The following EEFSEC variants were observed in gnomAD, a reference collection of about 807,000 sequenced individuals.
The protein encoded by EEFSEC is eukaryotic elongation factor, selenocysteine-tRNA specific.
In EEFSEC, 43 loss-of-function variants were observed where a neutral mutation model predicts 42.1. The ratio of observed to expected loss-of-function variants is 1.02; its 90% confidence interval spans 0.80 to 1.32. EEFSEC has a LOEUF of 1.32. EEFSEC is among the 40% of genes most tolerant of loss of function. The pLI is 0.00. For synonymous variants in EEFSEC, 354 were observed against 339.1 expected, an observed-to-expected ratio of 1.04 and a Z score of -0.48; for missense variants, 745 against 803.6, an observed-to-expected ratio of 0.93 and a Z score of 0.88.
intron 4 of EEFSEC, among the ~76,000 whole-genome samples, chr3:128,306,016 C>T (rs919378489): frequency 6.6e-6 from 1 of 152,106 alleles, no homozygotes; most frequent in Non-Finnish European, 1.5e-5. Flanking sequence ...TTCTTTAACT[C>T]GAGTTATTTA....
intron 4 of EEFSEC, among the ~76,000 whole-genome samples, chr3:128,332,851 G>A (rs1033994871): frequency 6.6e-6 from 1 of 152,204 alleles, no homozygotes; most frequent in African/African-American, 2.4e-5. Context: ...GGGGGAAAAT[G>A]TCTTATCTGT....
At chr3:128,287,167 C>T (rs2066594460) in intron 4 of EEFSEC, among the ~76,000 whole-genome samples, 1 of 152,196 alleles carries the variant, frequency 6.6e-6, no homozygotes, top group African/African-American at 2.4e-5. Flanking sequence ...GAAGAGTGAA[C>T]CCTGAGGGCC....
intron 4 of EEFSEC, among the ~76,000 whole-genome samples, chr3:128,300,853 A>G (rs575411671): frequency 1.3e-5 from 2 of 152,348 alleles, no homozygotes; most frequent in Admixed American, 1.3e-4. Context: ...GTATAAGCAT[A>G]AATAGATACT....
chr3:128,363,592 T>A (rs2067554731), intron 6 of EEFSEC, among the ~76,000 whole-genome samples: 1 of 152,140 alleles, frequency 6.6e-6, no homozygotes, highest in Non-Finnish European at 1.5e-5. Context: ...TCTGCTCACC[T>A]CTGAAGAGGG....
chr3:128,166,179 G>A (rs1041075937), intron 1 of EEFSEC, among the ~76,000 whole-genome samples: 23 of 152,216 alleles, frequency 1.5e-4, no homozygotes, highest in Admixed American at 1.2e-3. Flanking sequence ...AGGAAGACTG[G>A]AAGGGAGCCC....
intron 6 of EEFSEC, among the ~76,000 whole-genome samples, chr3:128,404,570 T>C (rs974519149): frequency 1.3e-5 from 2 of 152,018 alleles, no homozygotes; most frequent in Admixed American, 1.3e-4. Context: ...AGCTACCTGC[T>C]CTGTTTGCAG....
intron 6 of EEFSEC, among the ~76,000 whole-genome samples, chr3:128,385,320 G>A (rs997129515): frequency 3.3e-5 from 5 of 152,310 alleles, no homozygotes; most frequent in African/African-American, 7.2e-5. Context: ...AGTGGGGAGC[G>A]GGGAGTGTGG....
At chr3:128,177,958 G>A (rs932046510) in intron 1 of EEFSEC, among the ~76,000 whole-genome samples, 1 of 152,134 alleles carries the variant, frequency 6.6e-6, no homozygotes, top group African/African-American at 2.4e-5. Flanking sequence ...AAATGGGTAG[G>A]CCATCTGGTT....
intron 4 of EEFSEC, among the ~76,000 whole-genome samples, chr3:128,281,837 C>T (rs2066529473): frequency 6.6e-6 from 1 of 152,216 alleles, no homozygotes; most frequent in Non-Finnish European, 1.5e-5. Context: ...CTTGCACTCT[C>T]CGGTTCTCAG....
chr3:128,293,262 C>A (rs750507683), intron 4 of EEFSEC, among the ~76,000 whole-genome samples: 9 of 152,132 alleles, frequency 5.9e-5, no homozygotes, highest in Non-Finnish European at 1.0e-4. Flanking sequence ...CAGATGATAG[C>A]AGGTGTTGGC....
At chr3:128,229,805 T>G (rs1305886366) in intron 1 of EEFSEC, among the ~76,000 whole-genome samples, 1 of 152,172 alleles carries the variant, frequency 6.6e-6, no homozygotes, top group African/African-American at 2.4e-5. Context: ...AGGCCTACAT[T>G]CCTGTCTGGC....
At chr3:128,233,357 TG>T (rs2065977870) in intron 1 of EEFSEC, among the ~76,000 whole-genome samples, 2 of 152,250 alleles carry the variant, frequency 1.3e-5, no homozygotes, top group African/African-American at 4.8e-5. Flanking sequence ...TAAACATACA[TG>T]TGAGTAAATA....
At chr3:128,415,465 G>A in the EEFSEC span, among the ~76,000 whole-genome samples, 2 of 63,060 alleles carry the variant, frequency 3.2e-5, no homozygotes, top group East Asian at 6.4e-3. Context: ...GAGGCAACCC[G>A]CCTCAGATGC....
At chr3:128,367,166 TA>T (rs1199590968) in intron 6 of EEFSEC, among the ~76,000 whole-genome samples, 1 of 152,202 alleles carries the variant, frequency 6.6e-6, no homozygotes, top group African/African-American at 2.4e-5. Flanking sequence ...ATTACACCTT[TA>T]AAGGCCCTGC....
intron 1 of EEFSEC, among the ~76,000 whole-genome samples, chr3:128,216,471 G>T (rs2065811598): frequency 6.6e-6 from 1 of 152,218 alleles, no homozygotes; most frequent in South Asian, 2.1e-4. Flanking sequence ...CTAAGCCCAA[G>T]TTGGAGCAGG....
At chr3:128,155,558 A>G (rs1944364841) in intron 1 of EEFSEC, among the ~76,000 whole-genome samples, 1 of 152,258 alleles carries the variant, frequency 6.6e-6, no homozygotes, top group African/African-American at 2.4e-5. Context: ...GTATATAGCT[A>G]AAGAAGTATA....
chr3:128,268,632 A>G (rs138455344), intron 4 of EEFSEC, among the ~76,000 whole-genome samples: 1 of 152,168 alleles, frequency 6.6e-6, no homozygotes, highest in East Asian at 1.9e-4. Flanking sequence ...CAGTGTCCTT[A>G]TAAGAGACAG....
intron 4 of EEFSEC, 56 bp from the exon 5 acceptor site, chr3:128,341,177 C>T: frequency 1.3e-6 from 2 of 1,538,408 alleles, no homozygotes; most frequent in East Asian, 4.5e-5. Context: ...CCCCTCTCCT[C>T]CCCACAGCCC....
intron 6 of EEFSEC, among the ~76,000 whole-genome samples, chr3:128,364,907 T>C (rs1403261259): frequency 1.3e-5 from 2 of 152,220 alleles, no homozygotes; most frequent in Non-Finnish European, 2.9e-5. Flanking sequence ...AGTAAGTGAA[T>C]GGGCCAGAGT....
Sources: allele counts gnomAD v4.1 joint callset (sites outside exome capture counted in the v4.1 genomes callset), GRCh38; gene constraint gnomAD v4.1.1; transcripts MANE v1.5; gene names NCBI Gene and HGNC (gene_info 2026-07-23, HGNC 2026-07-21).